The following PRKACA variants were observed in gnomAD, a reference collection of about 807,000 sequenced individuals.
PRKACA encodes the protein cAMP-dependent protein kinase catalytic subunit alpha.
In PRKACA, 9 loss-of-function variants were observed where a neutral mutation model predicts 45.8. The observed-to-expected ratio is 0.20, with a 90% CI of 0.12 to 0.34. The LOEUF is 0.34. PRKACA is among the 10% of genes least tolerant of loss of function. The pLI is 1.00. For missense variants in PRKACA, 238 were observed against 458.6 expected, an observed-to-expected ratio of 0.52 and a Z score of 4.39; for synonymous variants, 160 against 178.6, an observed-to-expected ratio of 0.90 and a Z score of 0.83.
Position 14,093,266 on chromosome 19 carries a change from C to T in PRKACA, c.931-29G>A, listed in dbSNP as rs41296310. 2.1e-3 allele frequency: 3,333 copies of T among 1,599,946 alleles called. 3 individuals are homozygous for T. The highest frequency in any genetic ancestry group is 2.6e-3 in the Non-Finnish European group (3,107 of 1,175,180). ...GAGAGGGATCAAGAATCACCCAGAC[C>T]TCAGCATTCAACATAATCATTATTA... On this transcript the variant is annotated intron_variant, in intron 9 of 9. Transcript: ENST00000308677.
chr19:14,109,999 T>TACACACACACACACAC (rs764855462), intron 1 of PRKACA, among the ~76,000 whole-genome samples: 3 of 55,476 alleles, frequency 5.4e-5, no homozygotes, highest in African/African-American at 3.1e-4. Context: ...TATATATATA[T>TACACACACACACACAC]ACACACACAC....
intron 3 of PRKACA, 40 bp downstream of exon 3, chr19:14,106,720 G>T (rs746270651): frequency 1.2e-6 from 2 of 1,613,080 alleles, no homozygotes. Flanking sequence ...CCAGGCAAAG[G>T]CCTGACAGGC....
In PRKACA at chr19:14,097,495, TG is replaced by T. The variant is rs746054964; in HGVS notation, c.643-13del. ...GCCTTGTTGTAGCCCTGGAGCAAGA[TG>T]GGGGGGCACAGGGTGAGGAGGAGGC... On this transcript the variant is annotated splice_polypyrimidine_tract_variant and intron_variant, in intron 7 of 9. Transcript: ENST00000308677. The surrounding 1 kb of genome is among the most constrained non-coding windows in gnomAD (Gnocchi z 5.4). 6.8e-6 allele frequency: 11 copies of T among 1,612,590 alleles called. No individual in the cohort carries two copies. The highest frequency in any genetic ancestry group is 4.5e-5 in the East Asian group (2 of 44,804).
chr19:14,110,391 A>T (rs1966932691), intron 1 of PRKACA, among the ~76,000 whole-genome samples: 1 of 151,904 alleles, frequency 6.6e-6, no homozygotes, highest in Non-Finnish European at 1.5e-5. Flanking sequence ...CAGCCTGGAC[A>T]ACATCAAAAC....
At chr19:14,104,797 C>A (rs1977556618) in intron 3 of PRKACA, among the ~76,000 whole-genome samples, 1 of 152,038 alleles carries the variant, frequency 6.6e-6, no homozygotes, top group Admixed American at 6.6e-5. Flanking sequence ...CGCTTGAAAC[C>A]CGGAGGCAGA....
At chr19:14,109,968 ATATAT>A (rs1966913595) in intron 1 of PRKACA, among the ~76,000 whole-genome samples, 9 of 42,470 alleles carry the variant, frequency 2.1e-4, no homozygotes, top group African/African-American at 8.5e-4. Context: ...AAAAAAAAAT[ATATAT>A]ATATATATAT....
rs189141939 is a variant in PRKACA, at chr19:14,095,752, G to A, written c.765+1609C>T. ...AGGCTGGTCTTGAACTCCTGACCTC[G>A]TGATCCACCTGCCTTGGCCTCCCAA... On this transcript the variant is annotated intron_variant, in intron 8 of 9. Transcript: ENST00000308677. Among the ~76,000 whole-genome samples the A allele has an allele frequency of 6.2e-3, 937 of 152,080 alleles. 4 individuals are homozygous for A. Among genetic ancestry groups the A allele is most frequent in the Middle Eastern group, 0.024 (7 of 294 alleles).
rs2144476987 is a variant in PRKACA at position 14,107,317 on chromosome 19, C to A, written c.108+31G>T. The A allele has an allele frequency of 2.5e-6, 4 of 1,602,522 alleles. No individual in the cohort carries two copies. The South Asian group carries it at 3.3e-5, about 13-fold the overall frequency. ...AGGGGCTGGGGGTTAGCAGCTCACC[C>A]CTCCCTGGGCTCTGCACCCGGCAGC... is the stretch of plus-strand genomic sequence containing the variant. On this transcript the variant is annotated intron_variant, in intron 2 of 9. Coordinates refer to ENST00000308677, the MANE Select transcript of PRKACA (RefSeq NM_002730.4).
intron 1 of PRKACA, among the ~76,000 whole-genome samples, chr19:14,112,829 C>T (rs944602985): frequency 3.3e-5 from 5 of 152,208 alleles, no homozygotes; most frequent in African/African-American, 1.2e-4. Flanking sequence ...GCCTGATGTG[C>T]CCAGAGCAGT....
chr19:14,093,041 A>ATGGGG lies in PRKACA; in HGVS notation c.*70_*71insCCCCA. The ATGGGG allele has an allele frequency of 4.0e-6, 2 of 500,026 alleles. No homozygotes were observed. Among genetic ancestry groups the ATGGGG allele is most frequent in the Non-Finnish European group, 3.6e-6 (1 of 278,310 alleles). The allele number at this position is 500,026 out of a possible 1,614,324, so 31.0% of individuals were successfully genotyped here. On this transcript the variant is annotated 3_prime_UTR_variant, in exon 10 of 10. Coordinates refer to ENST00000308677, the MANE Select transcript of PRKACA (RefSeq NM_002730.4). ...CTGGGGCCCTCTGGCTGTTCAATCC[A>ATGGGG]ACCCTCCCACCCCCCCGACCAAAAA...
chr19:14,093,477 C>T, intron 9 of PRKACA, 151 bp downstream of exon 9: 1 of 1,148,124 alleles, frequency 8.7e-7, no homozygotes, highest in Non-Finnish European at 1.2e-6. Flanking sequence ...CAAATGACCC[C>T]AGAATCCCAT....
At chr19:14,100,444 CCCA>C (rs941753616) in intron 5 of PRKACA, among the ~76,000 whole-genome samples, 13 of 152,064 alleles carry the variant, frequency 8.5e-5, no homozygotes, top group Non-Finnish European at 1.6e-4. Context: ...ATTACAGGTG[CCCA>C]CCACCATGCC....
chr19:14,097,402 C>A lies in PRKACA; in HGVS notation c.724G>T (p.Asp242Tyr). Residue 242 changes from aspartate (D) to tyrosine (Y), a missense_variant, in exon 8 of 10, where the codon GAC becomes TAC. This residue lies in a region of PRKACA where 94 missense variants were observed against 240.9 expected (regional missense o/e 0.39). Transcript: ENST00000308677. This position sits in a 1 kb window ranked among gnomAD's most constrained non-coding sequence, Gnocchi z 5.4. ...TTCTCATAGATCTGGATGGGCTGGTCTGCGAAGAAGGGCGGGTAGCCAGCG... is the reference window on the plus strand; with the variant it reads ...TTCTCATAGATCTGGATGGGCTGGTATGCGAAGAAGGGCGGGTAGCCAGCG... ...MAAGYPPFFA[D>Y]QPIQIYEKIV... is the part of the protein sequence containing the mutation. 1 of 1,614,102 alleles carries A rather than the reference C, an allele frequency of 6.2e-7. No individual in the cohort carries two copies. The highest frequency in any genetic ancestry group is 8.5e-7 in the Non-Finnish European group (1 of 1,180,028).
In PRKACA at chr19:14,097,181, C is replaced by G; in HGVS notation, c.765+180G>C. 1 of 925,198 alleles carries G rather than the reference C, an allele frequency of 1.1e-6. No homozygotes were observed. The highest frequency in any genetic ancestry group is 1.6e-6 in the Non-Finnish European group (1 of 609,812). 57.3% of individuals were successfully genotyped at this position (925,198 alleles called of 1,614,324 possible). A position where few individuals can be genotyped will look rare whatever the true frequency, so the allele number is the denominator to read the frequency against. On this transcript the variant is annotated intron_variant, in intron 8 of 9. Coordinates refer to ENST00000308677, the MANE Select transcript of PRKACA (RefSeq NM_002730.4). This position sits in a 1 kb window ranked among gnomAD's most constrained non-coding sequence, Gnocchi z 5.4. Reference sequence around the variant, plus strand: ...CTGGAACCGCGGGGTTGGGGCTGGACAGCAAGGGGGCTTGAGGTGTTGGCC... The same window carrying G: ...CTGGAACCGCGGGGTTGGGGCTGGAGAGCAAGGGGGCTTGAGGTGTTGGCC...
At chr19:14,095,785 G>C (rs915930481) in intron 8 of PRKACA, among the ~76,000 whole-genome samples, 3 of 152,176 alleles carry the variant, frequency 2.0e-5, no homozygotes, top group Non-Finnish European at 2.9e-5. Context: ...CAAAATGCTG[G>C]GATTATAGGT....
chr19:14,093,549 T>C, intron 9 of PRKACA, 79 bp downstream of exon 9: 1 of 1,506,666 alleles, frequency 6.6e-7, no homozygotes, highest in South Asian at 1.3e-5. Context: ...TGTTCTCTTC[T>C]CTATTTCTCT....
At chr19:14,107,537 G>A in intron 1 of PRKACA, 128 bp from the exon 2 acceptor site, 1 of 1,320,022 alleles carries the variant, frequency 7.6e-7, no homozygotes, top group East Asian at 2.4e-5. Flanking sequence ...CCTTTTTCTG[G>A]TGCCTCTGGG....
chr19:14,107,734 C>T (rs144311902), intron 1 of PRKACA: 9 of 1,095,490 alleles, frequency 8.2e-6, no homozygotes, highest in South Asian at 3.3e-5. Flanking sequence ...CCAGGGCCGA[C>T]GCCAGCCGAG....
At chr19:14,095,759 A>T (rs1977228764) in intron 8 of PRKACA, among the ~76,000 whole-genome samples, 1 of 151,340 alleles carries the variant, frequency 6.6e-6, no homozygotes, top group South Asian at 2.1e-4. Flanking sequence ...CTCGTGATCC[A>T]CCTGCCTTGG....
Sources: allele counts gnomAD v4.1 joint callset (sites outside exome capture counted in the v4.1 genomes callset), GRCh38; gene constraint gnomAD v4.1.1; regional missense constraint gnomAD v4.1.1; non-coding constraint Gnocchi (gnomAD v3.1); transcripts MANE v1.5; gene names NCBI Gene and HGNC (gene_info 2026-07-23, HGNC 2026-07-21).